Variants in KIAA0825 observed in about 807,000 individuals in gnomAD.
KIAA0825 encodes KIAA0825.
KIAA0825 carries 119 observed loss-of-function variants against 147.6 expected under a neutral mutation model. The observed-to-expected ratio is 0.81, with a 90% CI of 0.69 to 0.94. KIAA0825 has a LOEUF of 0.94. KIAA0825 is among the 40% of genes least tolerant of loss of function. The pLI, the probability that KIAA0825 is intolerant of heterozygous loss-of-function variation, is 0.00. For synonymous variants in KIAA0825, 470 were observed against 518.1 expected (o/e 0.91, Z 1.26); for missense variants, 1,381 against 1,472.7 (o/e 0.94, Z 1.02).
chr5:94,357,096 G>A (rs971823044), intron 20 of KIAA0825, among the ~76,000 whole-genome samples: 1 of 152,078 alleles, frequency 6.6e-6, no homozygotes, highest in Non-Finnish European at 1.5e-5. Flanking sequence ...GAAAGAGAAA[G>A]ACAAAGAACC....
rs570201924 is a variant in KIAA0825, at chr5:94,444,369, C to T, written c.2358-4248G>A. On this transcript the variant is annotated intron_variant, in intron 13 of 20. Coordinates refer to ENST00000682413, the MANE Select transcript of KIAA0825 (RefSeq NM_001145678.3). ...ATGCTGGTGAGGGTGATTAACCCTA[C>T]TTATCATGAGGAGCTGGGCTTGCTA... 8.5e-5 allele frequency among the ~76,000 whole-genome samples: 13 copies of T among 152,274 alleles called. No homozygotes were observed. In the South Asian group the frequency reaches 2.1e-3, roughly 24 times the overall value.
intron 2 of KIAA0825, among the ~76,000 whole-genome samples, chr5:94,567,083 A>G (rs1441447573): frequency 6.6e-6 from 1 of 152,146 alleles, no homozygotes. Flanking sequence ...TCTCTATCAA[A>G]AGATTTTCCC....
At chr5:94,221,954 C>T (rs1347438708) in intron 20 of KIAA0825, among the ~76,000 whole-genome samples, 2 of 152,078 alleles carry the variant, frequency 1.3e-5, no homozygotes, top group African/African-American at 2.4e-5. Flanking sequence ...CGCCTTTGCC[C>T]GTCTAGTTCC....
chr5:94,520,400 T>G lies in KIAA0825; in HGVS notation c.818A>C (p.Lys273Thr). The change falls in exon 5 of 21, where the codon AAA becomes ACA. Residue 273 changes from lysine to threonine, a missense_variant. Transcript: ENST00000682413. ...ATCCAGGTAAGTTTCTTTAATGAAT[T>G]TCACCATTGAAGATGGAGCTAAAAT... ...CEILAPSSMV[K>T]FIKETYLDTV... 6.2e-7 allele frequency: 1 copy of G among 1,612,976 alleles called. No homozygotes were observed. The highest frequency in any genetic ancestry group is 1.7e-4 in the Middle Eastern group (1 of 6,060).
At chr5:94,443,710 A>AT in intron 13 of KIAA0825, among the ~76,000 whole-genome samples, 1 of 152,158 alleles carries the variant, frequency 6.6e-6, no homozygotes, top group Non-Finnish European at 1.5e-5. Context: ...ACTTTCTTCA[A>AT]TTTTTTGGTA....
At chr5:94,339,153 C>T (rs561963864) in intron 20 of KIAA0825, among the ~76,000 whole-genome samples, 8 of 152,142 alleles carry the variant, frequency 5.3e-5, no homozygotes, top group African/African-American at 1.9e-4. Flanking sequence ...AGACAGGTAC[C>T]ATTTTCTTCT....
At position 94,326,766 on chromosome 5, in the gene KIAA0825, C is replaced by T. The variant is rs1034707286; in HGVS notation, c.3710+57602G>A. 5.9e-5 allele frequency among the ~76,000 whole-genome samples: 9 copies of T among 152,206 alleles called. No individual in the cohort carries two copies. The South Asian group carries it at 6.2e-4, about 10-fold the overall frequency. On this transcript the variant is annotated intron_variant, in intron 20 of 20. Transcript: ENST00000682413. ...GGCGGTCCTTAGGATATAAAAATTA[C>T]TTTTTGTTTTTCCAAATCTATCGGT...
At position 94,613,386 on chromosome 5, in the gene KIAA0825, A is replaced by C. The variant is rs571306530; in HGVS notation, c.-153+5114T>G. On this transcript the variant is annotated intron_variant, in intron 1 of 20. Coordinates refer to ENST00000682413, the MANE Select transcript of KIAA0825 (RefSeq NM_001145678.3). ...TAATTTTTGTATTTTTTTGGTAGAGATGGGGTTTTACCATGTAGGTCAGGC... is the reference window on the plus strand; with the variant it reads ...TAATTTTTGTATTTTTTTGGTAGAGCTGGGGTTTTACCATGTAGGTCAGGC... 1.5e-4 allele frequency among the ~76,000 whole-genome samples: 23 copies of C among 152,112 alleles called. 1 individual carries two copies. In the South Asian group the frequency reaches 3.5e-3, roughly 23 times the overall value.
intron 20 of KIAA0825, among the ~76,000 whole-genome samples, chr5:94,193,919 CTGTT>C (rs1214987008): frequency 6.6e-6 from 1 of 152,192 alleles, no homozygotes; most frequent in Non-Finnish European, 1.5e-5. Flanking sequence ...TAAAGGATAA[CTGTT>C]TGTCCTGCTG....
At chr5:94,247,662 C>T (rs1775701595) in intron 20 of KIAA0825, among the ~76,000 whole-genome samples, 1 of 152,094 alleles carries the variant, frequency 6.6e-6, no homozygotes, top group South Asian at 2.1e-4. Context: ...ACAATAAGTT[C>T]CTTGAGACCA....
At chr5:94,330,436 A>G (rs769979250) in intron 20 of KIAA0825, among the ~76,000 whole-genome samples, 2 of 152,206 alleles carry the variant, frequency 1.3e-5, no homozygotes, top group African/African-American at 2.4e-5. Context: ...AATTGTCACA[A>G]TGTACTCAAA....
chr5:94,156,942 T>C (rs2149906739), intron 20 of KIAA0825, among the ~76,000 whole-genome samples: 1 of 152,270 alleles, frequency 6.6e-6, no homozygotes, highest in South Asian at 2.1e-4. Flanking sequence ...TCCATCATGG[T>C]TTTGGGTTTT....
At chr5:94,401,706 A>G (rs946939852) in intron 16 of KIAA0825, among the ~76,000 whole-genome samples, 5 of 152,058 alleles carry the variant, frequency 3.3e-5, no homozygotes, top group Non-Finnish European at 7.4e-5. Flanking sequence ...CTCATACACC[A>G]AAAAATTGTA....
intron 20 of KIAA0825, among the ~76,000 whole-genome samples, chr5:94,322,323 GT>G (rs1405260745): frequency 6.6e-6 from 1 of 151,644 alleles, no homozygotes; most frequent in African/African-American, 2.4e-5. Flanking sequence ...AAAAATCAGG[GT>G]TTTTTAGGTA....
chr5:94,268,662 G>A (rs1776846315), intron 20 of KIAA0825, among the ~76,000 whole-genome samples: 1 of 152,150 alleles, frequency 6.6e-6, no homozygotes, highest in Non-Finnish European at 1.5e-5. Context: ...TACTGGTCAT[G>A]CTCTGCCTAT....
At chr5:94,609,688 G>A (rs746915048) in intron 1 of KIAA0825, among the ~76,000 whole-genome samples, 15 of 152,194 alleles carry the variant, frequency 9.9e-5, no homozygotes, top group Admixed American at 5.9e-4. Flanking sequence ...CTGAGCCTAC[G>A]GGAGGCTGAG....
intron 14 of KIAA0825, among the ~76,000 whole-genome samples, chr5:94,417,831 TACAA>T (rs1753669168): frequency 6.6e-6 from 1 of 152,220 alleles, no homozygotes; most frequent in Non-Finnish European, 1.5e-5. Flanking sequence ...CTATCAATTC[TACAA>T]ACAAATTTAT....
intron 10 of KIAA0825, among the ~76,000 whole-genome samples, chr5:94,466,736 C>CAAAAAAAAAAAAAAAAAA (rs56785201): frequency 1.6e-5 from 1 of 61,376 alleles, no homozygotes; most frequent in Non-Finnish European, 3.0e-5. Flanking sequence ...GACTGTGTCT[C>CAAAAAAAAAAAAAAAAAA]AAAAAAAAAA....
intron 14 of KIAA0825, among the ~76,000 whole-genome samples, chr5:94,428,476 G>A (rs550114793): frequency 2.1e-4 from 32 of 152,196 alleles, no homozygotes; most frequent in Non-Finnish European, 4.3e-4. Flanking sequence ...GCTTGTCTGG[G>A]AAAGATTTTA....
Sources: gnomAD v4.1 joint callset for allele counts (sites outside exome capture counted in the v4.1 genomes callset) on GRCh38, gnomAD v4.1.1 for gene constraint, MANE v1.5 for transcripts, NCBI Gene and HGNC (gene_info 2026-07-23, HGNC 2026-07-21) for gene names.